The following KIF21A variants were observed in gnomAD, a reference collection of about 807,000 sequenced individuals.
The protein encoded by KIF21A is kinesin family member 21A.
KIF21A carries 114 observed loss-of-function variants against 202.9 expected under a neutral mutation model. That is an observed-to-expected ratio of 0.56 (90% confidence interval 0.48 to 0.66). The LOEUF is 0.66. Ranked by LOEUF, KIF21A falls within the 30% of genes least tolerant of loss-of-function variation. KIF21A has a pLI of 0.00. For missense variants in KIF21A, 1,677 were observed against 1,994.9 expected, an observed-to-expected ratio of 0.84 and a Z score of 3.04; for synonymous variants, 667 against 670.8, an observed-to-expected ratio of 0.99 and a Z score of 0.09.
At chr12:39,423,854 C>T (rs1954518168) in intron 1 of KIF21A, among the ~76,000 whole-genome samples, 1 of 151,648 alleles carries the variant, frequency 6.6e-6, no homozygotes, top group Non-Finnish European at 1.5e-5. Flanking sequence ...CATGGTGGCG[C>T]ATGCCTGTAG....
At chr12:39,441,515 A>C (rs1348585976) in intron 1 of KIF21A, among the ~76,000 whole-genome samples, 4 of 151,870 alleles carry the variant, frequency 2.6e-5, no homozygotes, top group African/African-American at 9.7e-5. Flanking sequence ...GCCAAAAGAG[A>C]GGTAGTAGCA....
chr12:39,311,370 T>A lies in KIF21A; in HGVS notation c.4096+47A>T, dbSNP rs541189506. The stretch of plus-strand genomic sequence containing the variant: ...AGAATATGTTAAAAATGTAATTTTT[T>A]TTAAAAAAAAAGCTATTAAATATCT... On this transcript the variant is annotated intron_variant, in intron 32 of 37. Transcript: ENST00000361418. 4.4e-5 allele frequency: 69 copies of A among 1,554,248 alleles called. No homozygotes were observed. In the African/African-American group the frequency reaches 8.1e-4, roughly 18 times the overall value.
At chr12:39,395,842 C>CAAA (rs747398067) in intron 1 of KIF21A, among the ~76,000 whole-genome samples, 5 of 84,950 alleles carry the variant, frequency 5.9e-5, no homozygotes, top group East Asian at 2.9e-4. Context: ...GACTCCGTCT[C>CAAA]AAAAAAAAAA....
chr12:39,360,915 G>T (rs771854233), intron 7 of KIF21A, among the ~76,000 whole-genome samples: 1 of 152,148 alleles, frequency 6.6e-6, no homozygotes, highest in Non-Finnish European at 1.5e-5. Context: ...TTCAAAAAGT[G>T]AAGATATTTT....
At chr12:39,400,483 A>C (rs1456153971) in intron 1 of KIF21A, among the ~76,000 whole-genome samples, 2 of 150,786 alleles carry the variant, frequency 1.3e-5, no homozygotes, top group Non-Finnish European at 3.0e-5. Flanking sequence ...GTTCCCCTCC[A>C]TGTATCCATT....
At chr12:39,372,031 TA>T (rs57979417) in intron 1 of KIF21A, among the ~76,000 whole-genome samples, 9,797 of 140,294 alleles carry the variant, frequency 0.07, 1,028 homozygotes, top group African/African-American at 0.23. Context: ...TTGTGAAATT[TA>T]AAAAAAAAAA....
intron 11 of KIF21A, among the ~76,000 whole-genome samples, chr12:39,350,353 A>G (rs1282188727): frequency 9.9e-5 from 15 of 152,006 alleles, no homozygotes; most frequent in Admixed American, 9.9e-4. Flanking sequence ...CTCTAAATTT[A>G]CCTCAAAAGG....
chr12:39,322,624 TA>T, intron 27 of KIF21A, 43 bp downstream of exon 27: 10 of 1,441,742 alleles, frequency 6.9e-6, no homozygotes, highest in Admixed American at 1.7e-5. Context: ...CTTTTTTTTT[TA>T]AAGCCAAAAG....
chr12:39,347,257 G>C (rs2138564544), intron 11 of KIF21A, among the ~76,000 whole-genome samples: 1 of 151,372 alleles, frequency 6.6e-6, no homozygotes, highest in Admixed American at 6.6e-5. Context: ...GGGGGGTGGG[G>C]AGAAAAGTAG....
rs1948812656 is a variant in KIF21A at position 39,356,860 on chromosome 12, T to C, written c.1441A>G (p.Ser481Gly). The C allele has an allele frequency of 7.1e-6, 9 of 1,259,166 alleles. No individual in the cohort carries two copies. Among genetic ancestry groups the C allele is most frequent in the Non-Finnish European group, 1.0e-5 (9 of 859,732 alleles). 78.0% of individuals were successfully genotyped at this position (1,259,166 alleles called of 1,614,324 possible). Residue 481 changes from serine (S) to glycine (G), a missense_variant, in exon 10 of 38, where the codon AGT (serine) becomes GGT (glycine). This residue lies in a region of KIF21A where 966 missense variants were observed against 1,180.9 expected (regional missense o/e 0.82). Coordinates refer to ENST00000361418, the MANE Select transcript of KIF21A (RefSeq NM_001173464.2). ...AGATCTTCGATTTCTTTTATATAAC[T>C]ATGAATCATATTACTAATCTCCTCA... ...GNEEISNMIHSYIKEIEDLRA... is the reference protein window; with the variant it reads ...GNEEISNMIHGYIKEIEDLRA...
chr12:39,395,146 C>T (rs750246284), intron 1 of KIF21A, among the ~76,000 whole-genome samples: 1 of 152,208 alleles, frequency 6.6e-6, no homozygotes, highest in Non-Finnish European at 1.5e-5. Flanking sequence ...CACTACCATA[C>T]ATATATTTTA....
chr12:39,432,696 G>A (rs1592728852), intron 1 of KIF21A, among the ~76,000 whole-genome samples: 1 of 151,678 alleles, frequency 6.6e-6, no homozygotes, highest in South Asian at 2.1e-4. Context: ...CTGCAACCTC[G>A]GCCTCCCGAG....
intron 36 of KIF21A, among the ~76,000 whole-genome samples, chr12:39,302,457 G>A (rs1943054992): frequency 6.6e-6 from 1 of 152,062 alleles, no homozygotes; most frequent in African/African-American, 2.4e-5. Flanking sequence ...CTTTTCCAGG[G>A]AATTAGGAAA....
chr12:39,303,028 T>C lies in KIF21A; in HGVS notation c.4668A>G (p.Leu1556=). The C allele has an allele frequency of 6.2e-7, 1 of 1,613,982 alleles. No individual in the cohort carries two copies. The highest frequency in any genetic ancestry group is 8.5e-7 in the Non-Finnish European group (1 of 1,179,884). The change falls in exon 36 of 38, where the codon CTA becomes CTG. Residue 1556 remains leucine, a synonymous_variant. Transcript: ENST00000361418. ...TTCCATTATCTCTAGACCCACTAAATAGGTTATCCCCTTGAATGGTTAGTG... is the reference window on the plus strand; with the variant it reads ...TTCCATTATCTCTAGACCCACTAAACAGGTTATCCCCTTGAATGGTTAGTG... ...IEALTIQGDN[L]FSGSRDNGIK...
intron 1 of KIF21A, among the ~76,000 whole-genome samples, chr12:39,404,429 A>G (rs1179489416): frequency 6.6e-6 from 1 of 152,184 alleles, no homozygotes; most frequent in Non-Finnish European, 1.5e-5. Context: ...TCCTCTCAAA[A>G]TATTTTTTAA....
chr12:39,426,441 A>T (rs1009310883), intron 1 of KIF21A, among the ~76,000 whole-genome samples: 1 of 152,232 alleles, frequency 6.6e-6, no homozygotes, highest in African/African-American at 2.4e-5. Flanking sequence ...AGGTATTTTT[A>T]AAAATGGAAT....
chr12:39,328,276 C>CA (rs1384215000), intron 24 of KIF21A, among the ~76,000 whole-genome samples: 1 of 152,174 alleles, frequency 6.6e-6, no homozygotes, highest in Admixed American at 6.5e-5. Context: ...TCACCCCCCC[C>CA]AGTAAAACCC....
chr12:39,420,751 T>A (rs935741954), intron 1 of KIF21A, among the ~76,000 whole-genome samples: 8 of 150,414 alleles, frequency 5.3e-5, no homozygotes, highest in African/African-American at 2.0e-4. Context: ...TAAAAGTAAG[T>A]TGAAAGTAAT....
intron 15 of KIF21A, 62 bp downstream of exon 15, chr12:39,340,844 A>T: frequency 8.4e-7 from 1 of 1,189,068 alleles, no homozygotes; most frequent in Non-Finnish European, 1.2e-6. Flanking sequence ...CTAAAGGAAA[A>T]GATAAAAACC....
Sources: allele counts gnomAD v4.1 joint callset (sites outside exome capture counted in the v4.1 genomes callset), GRCh38; gene constraint gnomAD v4.1.1; regional missense constraint gnomAD v4.1.1; transcripts MANE v1.5; gene names NCBI Gene and HGNC (gene_info 2026-07-23, HGNC 2026-07-21).